TAP2: variants seen among roughly 807,000 people sequenced by gnomAD.
The protein encoded by TAP2 is transporter 2, ATP binding cassette subfamily B member, also known as antigen peptide transporter 2.
In TAP2, 49 loss-of-function variants were observed where a neutral mutation model predicts 74.7. The observed-to-expected ratio is 0.66, with a 90% confidence interval of 0.52 to 0.83. The LOEUF (loss-of-function observed/expected upper bound fraction) is 0.83. Among genes scored for constraint, TAP2 ranks in the 40% least tolerant of loss-of-function variants. The pLI, the probability that TAP2 is intolerant of heterozygous loss-of-function variation, is 0.00. For synonymous variants in TAP2, 306 were observed against 368.4 expected (o/e 0.83, Z 1.94); for missense variants, 739 against 859.0 (o/e 0.86, Z 1.75).
rs572376231 is a variant in TAP2 at position 32,835,293 on chromosome 6, T to C, written c.806A>G (p.Asn269Ser). Residue 269 changes from asparagine (N) to serine (S), a missense_variant, in exon 5 of 12, where the codon AAT becomes AGT. Physicochemically the swap from Asn to Ser is conservative, Grantham distance 46 (BLOSUM62 1). Transcript: ENST00000374897. The surrounding 1 kb of genome is among the most constrained non-coding windows in gnomAD (Gnocchi z 4.0). ...TTTCACCAGGCTTCGCAAGAGCACA[T>C]TGGCATTTAAAGGAAGCCAGTTACT... ...LMSNWLPLNA[N>S]VLLRSLVKVV... 69 of 1,613,042 alleles carry C rather than the reference T, an allele frequency of 4.3e-5. No homozygotes were observed. The highest frequency in any genetic ancestry group is 1.3e-4 in the Admixed American group (8 of 60,026).
chr6:32,828,784 G>A lies in TAP2; in HGVS notation c.*122C>T. On this transcript the variant is annotated 3_prime_UTR_variant, in exon 12 of 12. Transcript: ENST00000374897. ...AGCTATCTGGCCGCACAGCTCTAGG[G>A]AAACTCAAAGCAGGAACAGCTCTGG... 1 of 1,359,836 alleles carries A rather than the reference G, an allele frequency of 7.4e-7. No homozygotes were observed. The highest frequency in any genetic ancestry group is 9.5e-7 in the Non-Finnish European group (1 of 1,050,434). The allele number at this position is 1,359,836 out of a possible 1,614,324, so 84.2% of individuals were successfully genotyped here.
rs767714464 is a variant in TAP2 at position 32,835,729 on chromosome 6, A to T, written c.653T>A (p.Met218Lys). The T allele has an allele frequency of 3.1e-6, 5 of 1,613,030 alleles. No homozygotes were observed. The highest frequency in any genetic ancestry group is 2.2e-5 in the East Asian group (1 of 44,896). The change falls in exon 4 of 12, where the codon ATG becomes AAG. Residue 218 changes from methionine (M) to lysine (K), a missense_variant. Met to Lys is a moderately conservative substitution (Grantham distance 95). Coordinates refer to ENST00000374897, the MANE Select transcript of TAP2 (RefSeq NM_001290043.2). This position sits in a 1 kb window ranked among gnomAD's most constrained non-coding sequence, Gnocchi z 4.0. ...GCRGGCFTYT[M>K]SRINLRIREQ... ...CCGGATCCGCAAGTTGATTCGAGAC[A>T]TGGTGTAGGTGAAGCAGCCTCCTCG... is the stretch of plus-strand genomic sequence containing the variant.
downstream of TAP2, among the ~76,000 whole-genome samples, chr6:32,824,214 G>A (rs1361799569): frequency 6.6e-6 from 1 of 151,926 alleles, no homozygotes; most frequent in Non-Finnish European, 1.5e-5. Flanking sequence ...TTTATTGCTA[G>A]GTGCAAACTG....
Position 32,835,370 on chromosome 6 carries a change from C to T in TAP2, c.740-11G>A, listed in dbSNP as rs2127363513. ...GTGAGTTCAGCTCCCCTAAGAAGGA[C>T]AGAGCAGGTGAGGAAAAAGGAAACC... On this transcript the variant is annotated splice_polypyrimidine_tract_variant and intron_variant, in intron 4 of 11. Coordinates refer to ENST00000374897, the MANE Select transcript of TAP2 (RefSeq NM_001290043.2). This position sits in a 1 kb window ranked among gnomAD's most constrained non-coding sequence, Gnocchi z 4.0. 1.2e-6 allele frequency: 2 copies of T among 1,613,032 alleles called. No homozygotes were observed. The highest frequency in any genetic ancestry group is 1.7e-6 in the Non-Finnish European group (2 of 1,180,006).
chr6:32,830,745 G>A lies in TAP2; in HGVS notation c.1334C>T (p.Ser445Phe), dbSNP rs769683724. The change falls in exon 8 of 12, where the codon TCC becomes TTC. Residue 445 changes from serine (S) to phenylalanine (F), a missense_variant. Coordinates refer to ENST00000374897, the MANE Select transcript of TAP2 (RefSeq NM_001290043.2). ...SNVGAAEKVF[S>F]YMDRQPNLPS... Reference sequence around the variant, plus strand: ...CAGATTTGGCTGTCGGTCCATGTAGGAGAAAACCTTCTCTGCAGCTCCCAC... The same window carrying A: ...CAGATTTGGCTGTCGGTCCATGTAGAAGAAAACCTTCTCTGCAGCTCCCAC... The A allele has an allele frequency of 6.2e-7, 1 of 1,612,986 alleles. No homozygotes were observed. The highest frequency in any genetic ancestry group is 2.2e-5 in the East Asian group (1 of 44,880).
Position 32,837,534 on chromosome 6 carries a change from T to C in TAP2, c.608+3A>G. 6.2e-7 allele frequency: 1 copy of C among 1,613,520 alleles called. No individual in the cohort carries two copies. Among genetic ancestry groups the C allele is most frequent in the Non-Finnish European group, 8.5e-7 (1 of 1,179,662 alleles). ...CAAATGGACCCAGCTGCCCACCACC[T>C]ACCTGCCAAAGGAGAAGAGGCACAT... is the stretch of plus-strand genomic sequence containing the variant. On this transcript the variant is annotated splice_donor_region_variant and intron_variant, in intron 3 of 11. Coordinates refer to ENST00000374897, the MANE Select transcript of TAP2 (RefSeq NM_001290043.2).
Position 32,827,586 on chromosome 6 carries a change from A to C in TAP2, c.*1320T>G, listed in dbSNP as rs966157717. 4.6e-6 allele frequency: 2 copies of C among 435,154 alleles called. No individual in the cohort carries two copies. The highest frequency in any genetic ancestry group is 6.1e-6 in the Non-Finnish European group (2 of 328,272). The allele number at this position is 435,154 out of a possible 1,614,324, so 27.0% of individuals were successfully genotyped here. A position where few individuals can be genotyped will look rare whatever the true frequency, so the allele number is the denominator to read the frequency against. On this transcript the variant is annotated 3_prime_UTR_variant, in exon 12 of 12. Coordinates refer to ENST00000374897, the MANE Select transcript of TAP2 (RefSeq NM_001290043.2). ...TCCTGGAAGACCTGAACCCTGAGTT[A>C]AGTCTTGAACTTGAAAATCAGGGGC...
At position 32,829,007 on chromosome 6, in the gene TAP2, G is replaced by A. The variant is rs112804759; in HGVS notation, c.1960C>T (p.Arg654Cys). 2.6e-6 allele frequency: 4 copies of A among 1,551,024 alleles called. No individual in the cohort carries two copies. The highest frequency in any genetic ancestry group is 2.4e-5 in the South Asian group (2 of 84,188). ...ALQDWNSRGDRTVLVIAHRLQ... is the reference protein window; with the variant it reads ...ALQDWNSRGDCTVLVIAHRLQ... The stretch of plus-strand genomic sequence containing the variant: ...CTGTGAGCAATCACCAGCACTGTGC[G>A]ATCCCCACGGGAATTCCAGTCCTGC... The change falls in exon 12 of 12, where the codon CGC (arginine) becomes TGC (cysteine). Residue 654 changes from arginine to cysteine, a missense_variant. Transcript: ENST00000374897.
chr6:32,835,657 T>A lies in TAP2; in HGVS notation c.725A>T (p.Gln242Leu). Residue 242 changes from glutamine to leucine, a missense_variant, in exon 4 of 12, where the codon CAG (glutamine) becomes CTG (leucine). By Grantham distance (113) the Gln-to-Leu change is moderately radical. Transcript: ENST00000374897. The surrounding 1 kb of genome is among the most constrained non-coding windows in gnomAD (Gnocchi z 4.0). ...CCAGGCCCCACCTGTCTTAGTCTCC[T>A]GGAAGAAACCGAGGTCCTGGCGCAG... is the stretch of plus-strand genomic sequence containing the variant. ...SLLRQDLGFF[Q>L]ETKTGELNSR... 1 of 1,613,062 alleles carries A rather than the reference T, an allele frequency of 6.2e-7. No homozygotes were observed. Among genetic ancestry groups the A allele is most frequent in the African/African-American group, 1.3e-5 (1 of 75,042 alleles).
Position 32,835,137 on chromosome 6 carries a change from C to T in TAP2, c.945+17G>A. On this transcript the variant is annotated intron_variant, in intron 5 of 11. Coordinates refer to ENST00000374897, the MANE Select transcript of TAP2 (RefSeq NM_001290043.2). The surrounding 1 kb of genome is among the most constrained non-coding windows in gnomAD (Gnocchi z 4.0). ...AGTTTTATTCTCCCTTTGGGGTTCC[C>T]TTACATGCACGCTCACCTGATGGCG... is the stretch of plus-strand genomic sequence containing the variant. 6.2e-7 allele frequency: 1 copy of T among 1,611,724 alleles called. No homozygotes were observed.
Position 32,827,415 on chromosome 6 carries a change from C to G in TAP2, c.*1491G>C. On this transcript the variant is annotated 3_prime_UTR_variant, in exon 12 of 12. Coordinates refer to ENST00000374897, the MANE Select transcript of TAP2 (RefSeq NM_001290043.2). Reference sequence around the variant, plus strand: ...ATATAAAGCTTAATAAGATATATGGCTTTCCGCCCAGGTGCTCATGGTCTA... The same window carrying G: ...ATATAAAGCTTAATAAGATATATGGGTTTCCGCCCAGGTGCTCATGGTCTA... 1 of 875,656 alleles carries G rather than the reference C, an allele frequency of 1.1e-6. No individual in the cohort carries two copies. The highest frequency in any genetic ancestry group is 1.4e-6 in the Non-Finnish European group (1 of 730,270). 54.2% of individuals were successfully genotyped at this position (875,656 alleles called of 1,614,324 possible). A position where few individuals can be genotyped will look rare whatever the true frequency, so the allele number is the denominator to read the frequency against.
At chr6:32,829,279 A>T in intron 11 of TAP2, 121 bp downstream of exon 11, 1 of 1,489,198 alleles carries the variant, frequency 6.7e-7, no homozygotes, top group Non-Finnish European at 9.1e-7. Context: ...AACCCCAAGA[A>T]GGCACAGACT....
intron 5 of TAP2, among the ~76,000 whole-genome samples, chr6:32,834,780 T>C (rs1465362820): frequency 6.6e-6 from 1 of 151,936 alleles, no homozygotes; most frequent in Non-Finnish European, 1.5e-5. Context: ...AAAGGGAAAA[T>C]CTCCCTGCCT....
chr6:32,835,770 T>C lies in TAP2; in HGVS notation c.612A>G (p.Ser204=). 1.2e-6 allele frequency: 2 copies of C among 1,612,650 alleles called. No homozygotes were observed. The highest frequency in any genetic ancestry group is 1.7e-6 in the Non-Finnish European group (2 of 1,179,938). The change falls in exon 4 of 12, where the codon TCA becomes TCG. Residue 204 remains serine (S), a synonymous_variant. Coordinates refer to ENST00000374897, the MANE Select transcript of TAP2 (RefSeq NM_001290043.2). The surrounding 1 kb of genome is among the most constrained non-coding windows in gnomAD (Gnocchi z 4.0). ...FFMCLFSFGS[S]LSAGCRGGCF... ...AGCCTCCTCGGCAGCCTGCAGACAG[T>C]GAGCTGTGGGGTAGGAGAATAAGAG...
chr6:32,823,974 C>CTTTGTG (rs151268722), downstream of TAP2, among the ~76,000 whole-genome samples: 10,031 of 152,108 alleles, frequency 0.066, 640 homozygotes, highest in African/African-American at 0.17. Context: ...CTTCCTCTTT[C>CTTTGTG]TGTGTGTGTG....
At chr6:32,836,069 A>G (rs9500916) in intron 3 of TAP2, among the ~76,000 whole-genome samples, 1,629 of 152,310 alleles carry the variant, frequency 0.011, 28 homozygotes, top group African/African-American at 0.03. Context: ...AGAAAACTAC[A>G]ATAGAAGGGA....
chr6:32,832,426 G>C lies in TAP2; in HGVS notation c.1179C>G (p.Ser393Arg). 6.2e-7 allele frequency: 1 copy of C among 1,612,866 alleles called. No homozygotes were observed. The highest frequency in any genetic ancestry group is 8.5e-7 in the Non-Finnish European group (1 of 1,179,934). ...CATCCTGCATCTGCTGCAGCCCACA[G>C]CTCAGCATCAGCATCTGCACCCCCA... The part of the protein sequence containing the change: ...LHLGVQMLML[S>R]CGLQQMQDGE... Residue 393 changes from serine (S) to arginine (R), a missense_variant, in exon 7 of 12, where the codon AGC becomes AGG. By Grantham distance (110) the Ser-to-Arg change is moderately radical. Coordinates refer to ENST00000374897, the MANE Select transcript of TAP2 (RefSeq NM_001290043.2). The surrounding 1 kb of genome is among the most constrained non-coding windows in gnomAD (Gnocchi z 5.9).
chr6:32,828,797 G>A lies in TAP2; in HGVS notation c.*109C>T. 1 of 1,364,574 alleles carries A rather than the reference G, an allele frequency of 7.3e-7. No homozygotes were observed. The highest frequency in any genetic ancestry group is 1.5e-5 in the South Asian group (1 of 67,554). 84.5% of individuals were successfully genotyped at this position (1,364,574 alleles called of 1,614,324 possible). On this transcript the variant is annotated 3_prime_UTR_variant, in exon 12 of 12. Coordinates refer to ENST00000374897, the MANE Select transcript of TAP2 (RefSeq NM_001290043.2). ...CACAGCTCTAGGGAAACTCAAAGCA[G>A]GAACAGCTCTGGGTCCTGGAGACGC...
chr6:32,822,338 A>T, downstream of TAP2: 3 of 1,479,402 alleles, frequency 2.0e-6, no homozygotes, highest in Non-Finnish European at 2.8e-6. Context: ...AAAAACAAAA[A>T]AAACCCCTTG....
Sources: allele counts gnomAD v4.1 joint callset (sites outside exome capture counted in the v4.1 genomes callset), GRCh38; gene constraint gnomAD v4.1.1; non-coding constraint Gnocchi (gnomAD v3.1); transcripts MANE v1.5; gene names NCBI Gene and HGNC (gene_info 2026-07-23, HGNC 2026-07-21).